The following CRPPA variants were observed in gnomAD, a reference collection of about 807,000 sequenced individuals.
CRPPA encodes D-ribitol-5-phosphate cytidylyltransferase.
CRPPA carries 43 observed loss-of-function variants against 52.0 expected under a neutral mutation model. That is an observed-to-expected ratio of 0.83 (90% CI 0.65 to 1.07). CRPPA has a LOEUF of 1.07. Ranked by LOEUF, CRPPA falls within the 50% of genes least tolerant of loss-of-function variation. CRPPA has a pLI of 0.00. For missense variants in CRPPA, 629 were observed against 551.7 expected (o/e 1.14, Z -1.40); for synonymous variants, 250 against 203.5 (o/e 1.23, Z -1.94).
chr7:16,126,989 G>C (rs1323169696), intron 9 of CRPPA, among the ~76,000 whole-genome samples: 1 of 152,144 alleles, frequency 6.6e-6, no homozygotes, highest in Non-Finnish European at 1.5e-5. Context: ...AATGTGAACA[G>C]TGAATACTGT....
At chr7:16,265,207 C>T (rs73294850) in intron 6 of CRPPA, among the ~76,000 whole-genome samples, 1,836 of 152,218 alleles carry the variant, frequency 0.012, 48 homozygotes, top group African/African-American at 0.041. Flanking sequence ...AGTGGCCTTC[C>T]ACTTCATGAC....
chr7:16,281,497 A>G (rs888908096), intron 5 of CRPPA, among the ~76,000 whole-genome samples: 7 of 152,164 alleles, frequency 4.6e-5, no homozygotes, highest in African/African-American at 1.7e-4. Context: ...CTATAATTTT[A>G]TCTGATAATG....
intron 5 of CRPPA, among the ~76,000 whole-genome samples, chr7:16,279,650 A>G (rs1057224786): frequency 1.1e-4 from 17 of 152,222 alleles, no homozygotes; most frequent in African/African-American, 3.4e-4. Context: ...AGATAACTCT[A>G]TAATACAATG....
At chr7:16,095,553 A>C (rs1049996220) in intron 9 of CRPPA, among the ~76,000 whole-genome samples, 2 of 152,206 alleles carry the variant, frequency 1.3e-5, no homozygotes, top group African/African-American at 4.8e-5. Flanking sequence ...ATAGCCATTA[A>C]ATCTGGAAAA....
At chr7:16,124,900 G>C (rs1782546674) in intron 9 of CRPPA, among the ~76,000 whole-genome samples, 1 of 151,740 alleles carries the variant, frequency 6.6e-6, no homozygotes, top group Non-Finnish European at 1.5e-5. Flanking sequence ...TATTTTCATT[G>C]AGGAGTGGAA....
At chr7:16,147,381 C>T (rs1340208802) in intron 9 of CRPPA, among the ~76,000 whole-genome samples, 1 of 152,158 alleles carries the variant, frequency 6.6e-6, no homozygotes, top group Non-Finnish European at 1.5e-5. Context: ...GATTAACCCC[C>T]AAAATCAAAT....
At chr7:16,221,705 T>C (rs1782512235) in intron 8 of CRPPA, among the ~76,000 whole-genome samples, 1 of 152,102 alleles carries the variant, frequency 6.6e-6, no homozygotes, top group African/African-American at 2.4e-5. Context: ...ATGCTCATTA[T>C]CACTGGCCAT....
At chr7:16,153,472 C>CCAA (rs1445831007) in intron 9 of CRPPA, among the ~76,000 whole-genome samples, 1 of 152,040 alleles carries the variant, frequency 6.6e-6, no homozygotes, top group Non-Finnish European at 1.5e-5. Flanking sequence ...AAAAGGCTTG[C>CCAA]TTCCCTAGTT....
chr7:16,215,872 T>C (rs942974092), intron 9 of CRPPA, among the ~76,000 whole-genome samples, 194 bp downstream of exon 9: 9 of 152,330 alleles, frequency 5.9e-5, no homozygotes, highest in Middle Eastern at 3.4e-3. Context: ...ATTTCCCCAA[T>C]GCTAATAGTT....
At chr7:16,145,968 T>C (rs1583388644) in intron 9 of CRPPA, among the ~76,000 whole-genome samples, 1 of 152,134 alleles carries the variant, frequency 6.6e-6, no homozygotes, top group East Asian at 1.9e-4. Context: ...CTCTTCAATG[T>C]AAAAAGAACC....
At chr7:16,093,818 G>C (rs1040847652) in intron 9 of CRPPA, among the ~76,000 whole-genome samples, 3 of 152,050 alleles carry the variant, frequency 2.0e-5, no homozygotes, top group African/African-American at 7.2e-5. Flanking sequence ...CATTCTTAAT[G>C]ATCAATTAAT....
intron 9 of CRPPA, among the ~76,000 whole-genome samples, chr7:16,094,936 C>T (rs2128362034): frequency 6.6e-6 from 1 of 152,092 alleles, no homozygotes; most frequent in Non-Finnish European, 1.5e-5. Context: ...ACATGGGGTA[C>T]TGGAACAGAA....
chr7:16,112,255 C>T (rs1782280127), intron 9 of CRPPA, among the ~76,000 whole-genome samples: 1 of 151,740 alleles, frequency 6.6e-6, no homozygotes, highest in Admixed American at 6.6e-5. Context: ...GCAGAGGTTG[C>T]AGTAAGCCGA....
chr7:16,395,199 G>A (rs1787539260), intron 2 of CRPPA, among the ~76,000 whole-genome samples: 1 of 152,112 alleles, frequency 6.6e-6, no homozygotes, highest in African/African-American at 2.4e-5. Flanking sequence ...GTGATTACTT[G>A]TCTCTCAAGC....
chr7:16,395,945 T>G (rs1787557512), intron 2 of CRPPA, among the ~76,000 whole-genome samples: 2 of 152,290 alleles, frequency 1.3e-5, no homozygotes, highest in Middle Eastern at 6.8e-3. Context: ...ACATCAAAAA[T>G]AGATCAAGTT....
At chr7:16,239,573 A>C (rs965579040) in intron 8 of CRPPA, among the ~76,000 whole-genome samples, 1 of 149,970 alleles carries the variant, frequency 6.7e-6, no homozygotes, top group African/African-American at 2.4e-5. Context: ...AAAAAAAAAA[A>C]AAAAAAAAAA....
intron 9 of CRPPA, among the ~76,000 whole-genome samples, chr7:16,147,380 C>T (rs1207361461): frequency 6.6e-6 from 1 of 152,238 alleles, no homozygotes; most frequent in East Asian, 1.9e-4. Context: ...GGATTAACCC[C>T]CAAAATCAAA....
chr7:16,184,144 T>C (rs1781462396), intron 9 of CRPPA, among the ~76,000 whole-genome samples: 1 of 151,922 alleles, frequency 6.6e-6, no homozygotes, highest in South Asian at 2.1e-4. Context: ...AGTTTCACCA[T>C]GTTAGCCAGG....
intron 9 of CRPPA, among the ~76,000 whole-genome samples, chr7:16,114,971 G>C (rs1208954891): frequency 2.0e-5 from 3 of 151,956 alleles, no homozygotes; most frequent in Non-Finnish European, 4.4e-5. Context: ...AAAATAATGA[G>C]GCAAAAGACT....
Sources: gnomAD v4.1 joint callset for allele counts (sites outside exome capture counted in the v4.1 genomes callset) on GRCh38, gnomAD v4.1.1 for gene constraint, MANE v1.5 for transcripts, NCBI Gene and HGNC (gene_info 2026-07-23, HGNC 2026-07-21) for gene names.